The following SYNPR variants were observed in gnomAD, a reference collection of about 807,000 sequenced individuals.
SYNPR encodes the protein synaptoporin.
SYNPR carries 23 observed loss-of-function variants against 32.9 expected under a neutral mutation model. The observed-to-expected ratio is 0.70, with a 90% CI of 0.50 to 0.99. The LOEUF (loss-of-function observed/expected upper bound fraction) is 0.99, where lower values mean the gene tolerates loss of function less well. Ranked by LOEUF, SYNPR falls within the 50% of genes least tolerant of loss-of-function variation. The pLI is 0.00. For synonymous variants in SYNPR, 146 were observed against 135.9 expected (o/e 1.07, Z -0.52); for missense variants, 318 against 349.3 (o/e 0.91, Z 0.71).
Position 63,349,064 on chromosome 3 carries a change from A to G in SYNPR, c.84+70322A>G, listed in dbSNP as rs138950103. On this transcript the variant is annotated intron_variant, in intron 2 of 5. Coordinates refer to ENST00000478300, the MANE Select transcript of SYNPR (RefSeq NM_001130003.2). ...AGTAGTTTGATAAGGACTGCATTAAATCTATAGATTGCTTTGGGCAGTATG... is the reference window on the plus strand; with the variant it reads ...AGTAGTTTGATAAGGACTGCATTAAGTCTATAGATTGCTTTGGGCAGTATG... Among the ~76,000 whole-genome samples the G allele has an allele frequency of 7.4e-3, 1,131 of 151,862 alleles. 4 individuals are homozygous for G. Among genetic ancestry groups the G allele is most frequent in the East Asian group, 0.015 (78 of 5,174 alleles).
intron 2 of SYNPR, among the ~76,000 whole-genome samples, chr3:63,262,885 G>A (rs1395359933): frequency 6.6e-6 from 1 of 152,158 alleles, no homozygotes; most frequent in Non-Finnish European, 1.5e-5. Context: ...CCCAAGGCAG[G>A]TTTGACTGCA....
intron 5 of SYNPR, among the ~76,000 whole-genome samples, chr3:63,613,689 T>C (rs1700237130): frequency 7.2e-6 from 1 of 139,488 alleles, no homozygotes; most frequent in South Asian, 2.3e-4. Flanking sequence ...ATTCAGAGCA[T>C]AGTTTACCAT....
At chr3:63,319,126 A>G (rs1344659245) in intron 2 of SYNPR, among the ~76,000 whole-genome samples, 2 of 151,970 alleles carry the variant, frequency 1.3e-5, no homozygotes, top group East Asian at 3.9e-4. Flanking sequence ...TGGGTCTTTC[A>G]GCCACGGATA....
the SYNPR span, among the ~76,000 whole-genome samples, chr3:63,222,440 A>G: frequency 6.6e-6 from 1 of 152,080 alleles, no homozygotes; most frequent in African/African-American, 2.4e-5. Flanking sequence ...CTCAAAGTGT[A>G]ATGGGGAGTA....
chr3:63,262,560 A>G (rs2086448028), intron 2 of SYNPR, among the ~76,000 whole-genome samples: 1 of 152,168 alleles, frequency 6.6e-6, no homozygotes. Flanking sequence ...TCCACAGGGC[A>G]GGGTGTTACC....
chr3:63,277,127 T>C (rs2086582450), upstream of SYNPR, among the ~76,000 whole-genome samples: 2 of 152,132 alleles, frequency 1.3e-5, no homozygotes, highest in Admixed American at 1.3e-4. Flanking sequence ...CTTCTTCTTC[T>C]TTTGTTTTTC....
intron 2 of SYNPR, among the ~76,000 whole-genome samples, chr3:63,448,708 G>C (rs1340770752): frequency 6.6e-6 from 1 of 152,042 alleles, no homozygotes; most frequent in African/African-American, 2.4e-5. Flanking sequence ...CCTACCATGT[G>C]CCAGGCACCA....
At chr3:63,422,274 C>T (rs1699813960) in intron 2 of SYNPR, among the ~76,000 whole-genome samples, 1 of 152,140 alleles carries the variant, frequency 6.6e-6, no homozygotes. Context: ...TATGTGTTCT[C>T]CCTTCTTTTT....
intron 2 of SYNPR, among the ~76,000 whole-genome samples, chr3:63,391,866 T>C (rs1452158506): frequency 6.6e-6 from 1 of 152,210 alleles, no homozygotes; most frequent in Non-Finnish European, 1.5e-5. Flanking sequence ...TAATTGTATG[T>C]ACCCGATGTC....
chr3:63,586,364 G>A (rs1156435986), intron 4 of SYNPR, among the ~76,000 whole-genome samples: 1 of 151,596 alleles, frequency 6.6e-6, no homozygotes, highest in Non-Finnish European at 1.5e-5. Context: ...AATTGCCAAA[G>A]GTCAAATGCA....
At chr3:63,295,597 C>T (rs2106935388) in intron 2 of SYNPR, among the ~76,000 whole-genome samples, 1 of 152,316 alleles carries the variant, frequency 6.6e-6, no homozygotes, top group East Asian at 1.9e-4. Context: ...CTGTCTCAAT[C>T]AGGTGGTGAA....
intron 2 of SYNPR, among the ~76,000 whole-genome samples, chr3:63,335,246 G>T (rs1369337470): frequency 6.6e-6 from 1 of 151,892 alleles, no homozygotes; most frequent in African/African-American, 2.4e-5. Context: ...CCAGCTACTC[G>T]GGAGGCTGAG....
intron 3 of SYNPR, among the ~76,000 whole-genome samples, chr3:63,529,856 A>T (rs559542683): frequency 6.6e-6 from 1 of 152,104 alleles, no homozygotes; most frequent in Non-Finnish European, 1.5e-5. Context: ...TACCTAACAC[A>T]CTCAGGCGAA....
chr3:63,341,370 T>C (rs927076760), intron 2 of SYNPR, among the ~76,000 whole-genome samples: 2 of 152,214 alleles, frequency 1.3e-5, no homozygotes, highest in Non-Finnish European at 1.5e-5. Context: ...GGTAAACACA[T>C]AGGGGTACAA....
chr3:63,449,051 C>T (rs538773155), intron 2 of SYNPR, among the ~76,000 whole-genome samples: 43 of 152,060 alleles, frequency 2.8e-4, no homozygotes, highest in African/African-American at 7.5e-4. Flanking sequence ...TTTATTGCTT[C>T]GAGGCATTCT....
At chr3:63,544,290 A>C (rs1439127507) in intron 3 of SYNPR, among the ~76,000 whole-genome samples, 1 of 152,086 alleles carries the variant, frequency 6.6e-6, no homozygotes, top group East Asian at 1.9e-4. Context: ...AAATACGTTC[A>C]ACAAACTGTT....
intron 3 of SYNPR, among the ~76,000 whole-genome samples, chr3:63,510,868 T>C (rs762269095): frequency 1.2e-4 from 18 of 151,306 alleles, no homozygotes; most frequent in Non-Finnish European, 2.2e-4. Flanking sequence ...ACTTCTGCTT[T>C]TCAGGGCCTG....
intron 2 of SYNPR, among the ~76,000 whole-genome samples, chr3:63,336,401 A>G (rs548179886): frequency 7.2e-5 from 11 of 151,824 alleles, no homozygotes; most frequent in Admixed American, 1.3e-4. Context: ...TGTAGTTACA[A>G]ACGTGCACTA....
chr3:63,543,158 A>G (rs1702337352), intron 3 of SYNPR, among the ~76,000 whole-genome samples: 1 of 148,618 alleles, frequency 6.7e-6, no homozygotes, highest in Non-Finnish European at 1.5e-5. Flanking sequence ...ACTCCACTAT[A>G]CACTTGTGAG....
Sources: allele counts gnomAD v4.1 joint callset (sites outside exome capture counted in the v4.1 genomes callset), GRCh38; gene constraint gnomAD v4.1.1; transcripts MANE v1.5; gene names NCBI Gene and HGNC (gene_info 2026-07-23, HGNC 2026-07-21).